The following MGAM2 variants were observed in gnomAD, a reference collection of about 807,000 sequenced individuals.
MGAM2 encodes probable maltase-glucoamylase 2.
A neutral mutation model predicts 96.1 loss-of-function variants in MGAM2; 98 were observed. The ratio of observed to expected loss-of-function variants is 1.02; its 90% CI spans 0.87 to 1.21. The LOEUF is 1.21. MGAM2 is among the 50% of genes most tolerant of loss of function. MGAM2 has a pLI of 0.00. For synonymous variants in MGAM2, 749 were observed against 414.8 expected (o/e 1.81, Z -9.79); for missense variants, 2,055 against 1,182.4 (o/e 1.74, Z -10.82).
At chr7:142,167,576 AT>A (rs1382375086) in intron 26 of MGAM2, 90 bp downstream of exon 26, 6 of 667,078 alleles carry the variant, frequency 9.0e-6, no homozygotes, top group African/African-American at 3.6e-5. Flanking sequence ...CAATTAAAAC[AT>A]TTTTTTTCTT....
rs748299647 is a variant in MGAM2, at chr7:142,183,950, CTTTTTTTTTTTTTTTTTTTTTTTTTTT to C, written c.3924+591_3924+617del. ...ACTGCTCTGGATGTATTCCAGGCTCCTTTTTTTTTTTTTTTTTTTTTTTTTTTTTTTTTTTTTTTTGAGATGGAGTGT... is the reference window on the plus strand; with the variant it reads ...ACTGCTCTGGATGTATTCCAGGCTCCTTTTTTTTTTTTTGAGATGGAGTGT... On this transcript the variant is annotated intron_variant, in intron 33 of 47. Coordinates refer to ENST00000477922, the MANE Select transcript of MGAM2 (RefSeq NM_001293626.2). Among the ~76,000 whole-genome samples, 88 of 46,144 alleles carry C rather than the reference CTTTTTTTTTTTTTTTTTTTTTTTTTTT, an allele frequency of 1.9e-3. 1 individual carries two copies. Among genetic ancestry groups the C allele is most frequent in the Admixed American group, 7.0e-3 (18 of 2,580 alleles). 30.3% of individuals were successfully genotyped at this position (46,144 alleles called of 152,430 possible).
intron 20 of MGAM2, 150 bp downstream of exon 20, chr7:142,159,493 T>C (rs1347897677): frequency 3.3e-6 from 2 of 608,152 alleles, no homozygotes; most frequent in South Asian, 1.9e-5. Flanking sequence ...GGCATCTTAG[T>C]TGGTTCAGGA....
At chr7:142,188,437 C>A (rs750459567) in intron 36 of MGAM2, among the ~76,000 whole-genome samples, 1 of 151,076 alleles carries the variant, frequency 6.6e-6, no homozygotes, top group African/African-American at 2.5e-5. Context: ...CATAGTGAGA[C>A]CCATAAAAAA....
Position 142,212,796 on chromosome 7 carries a change from G to T in MGAM2, c.5187+4174G>T, listed in dbSNP as rs976047730. The stretch of plus-strand genomic sequence containing the variant: ...ATCAACAAGACAGAAAATTAGCAAG[G>T]ATATTCAGAACTTGAACTCAGCTCT... On this transcript the variant is annotated intron_variant, in intron 46 of 47. Transcript: ENST00000477922. 3.3e-5 allele frequency among the ~76,000 whole-genome samples: 5 copies of T among 152,064 alleles called. No individual in the cohort carries two copies. The East Asian group carries it at 5.8e-4, about 18-fold the overall frequency.
rs868551758 is a variant in MGAM2, at chr7:142,112,812, T to C, written c.-1+1005T>C. On this transcript the variant is annotated intron_variant, in intron 1 of 47. Transcript: ENST00000477922. ...ATTTTATGAGAATACAGTCATATGA[T>C]ATATATTTTATAGGGATTAGAGTAT... Among the ~76,000 whole-genome samples the C allele has an allele frequency of 8.8e-4, 134 of 152,354 alleles. 1 individual carries two copies. Among genetic ancestry groups the C allele is most frequent in the African/African-American group, 3.2e-3 (134 of 41,586 alleles).
At chr7:142,131,230 G>T (rs1459115379) in intron 4 of MGAM2, among the ~76,000 whole-genome samples, 159 bp downstream of exon 4, 1 of 152,182 alleles carries the variant, frequency 6.6e-6, no homozygotes, top group African/African-American at 2.4e-5. Flanking sequence ...ATGAGGTCAG[G>T]AGTTCAAGAC....
chr7:142,153,325 G>C (rs947277545), intron 15 of MGAM2, among the ~76,000 whole-genome samples: 1 of 152,120 alleles, frequency 6.6e-6, no homozygotes, highest in South Asian at 2.1e-4. Flanking sequence ...ATTGTTTTAC[G>C]TAACATGTAA....
At chr7:142,114,832 T>C (rs1283891737) in intron 1 of MGAM2, among the ~76,000 whole-genome samples, 2 of 152,160 alleles carry the variant, frequency 1.3e-5, no homozygotes, top group Non-Finnish European at 1.5e-5. Flanking sequence ...TTCTGCAAAA[T>C]CATTATTTTT....
rs180679947 is a variant in MGAM2, at chr7:142,180,438, G to A, written c.3817-2828G>A. On this transcript the variant is annotated intron_variant, in intron 32 of 47. Transcript: ENST00000477922. ...TTTTTATAGTTCTTCTAGATGTGAA[G>A]TTGGATTGTTAATTTGAGATCTTTC... 1.1e-4 allele frequency among the ~76,000 whole-genome samples: 16 copies of A among 152,208 alleles called. No individual in the cohort carries two copies. The East Asian group carries it at 3.1e-3, about 29-fold the overall frequency.
Position 142,219,735 on chromosome 7 carries a change from A to G in MGAM2, c.5359-135A>G, listed in dbSNP as rs1048328408. 6.7e-6 allele frequency: 4 copies of G among 594,542 alleles called. No individual in the cohort carries two copies. In the African/African-American group the frequency reaches 7.4e-5, roughly 11 times the overall value. 36.8% of individuals were successfully genotyped at this position (594,542 alleles called of 1,614,324 possible). ...CCAAAATCAACATGACCTAACCCAA[A>G]AAGGAATGTTTATATCCTATTACTG... On this transcript the variant is annotated intron_variant, in intron 47 of 47. Coordinates refer to ENST00000477922, the MANE Select transcript of MGAM2 (RefSeq NM_001293626.2).
intron 40 of MGAM2, among the ~76,000 whole-genome samples, chr7:142,197,087 T>C (rs1275750781): frequency 1.3e-5 from 2 of 152,182 alleles, no homozygotes; most frequent in African/African-American, 4.8e-5. Flanking sequence ...CCTTTGCTTT[T>C]AAGAATATTG....
chr7:142,147,396 C>T (rs146164562), intron 14 of MGAM2, 60 bp from the exon 15 acceptor site: 190 of 654,084 alleles, frequency 2.9e-4, no homozygotes, highest in African/African-American at 1.7e-3. Context: ...ATAGTTGGGC[C>T]GCTAATTTGT....
chr7:142,132,016 G>A lies in MGAM2; in HGVS notation c.506G>A (p.Ser169Asn). 1 of 703,050 alleles carries A rather than the reference G, an allele frequency of 1.4e-6. No homozygotes were observed. The highest frequency in any genetic ancestry group is 2.0e-5 in the Admixed American group (1 of 49,996). The allele number at this position is 703,050 out of a possible 1,614,324, so 43.6% of individuals were successfully genotyped here. Residue 169 changes from serine (S) to asparagine (N), a missense_variant, in exon 6 of 48, where the codon AGC (serine) becomes AAC (asparagine). Physicochemically the swap from Ser to Asn is conservative, Grantham distance 46. Transcript: ENST00000477922. ...VDGIADASNL[S>N]YYVEVTDKPF... ...GGGATTGCTGATGCCTCCAATTTGA[G>A]CTATTACGTGGAGGTTACTGATAAA...
At position 142,166,156 on chromosome 7, in the gene MGAM2, G is replaced by T; in HGVS notation, c.2711G>T (p.Trp904Leu). Residue 904 changes from tryptophan to leucine, a missense_variant, in exon 25 of 48, where the codon TGG (tryptophan) becomes TTG (leucine). By Grantham distance (61) the Trp-to-Leu change is moderately conservative (BLOSUM62 -2). Coordinates refer to ENST00000477922, the MANE Select transcript of MGAM2 (RefSeq NM_001293626.2). Reference protein sequence around the residue: ...LVLGQEFSIRWNLPVSDLEKF... With the variant: ...LVLGQEFSIRLNLPVSDLEKF... ...CTGGGACAAGAATTCTCTATTAGGT[G>T]GAATCTTCCTGTCAGTGACCTGGAG... The T allele has an allele frequency of 1.4e-6, 1 of 702,386 alleles. No individual in the cohort carries two copies. The highest frequency in any genetic ancestry group is 2.6e-6 in the Non-Finnish European group (1 of 384,716). 43.5% of individuals were successfully genotyped at this position (702,386 alleles called of 1,614,324 possible). A position where few individuals can be genotyped will look rare whatever the true frequency, so the allele number is the denominator to read the frequency against.
In MGAM2 at chr7:142,186,025, C is replaced by A. The variant is rs373613400; in HGVS notation, c.4024C>A (p.Arg1342Ser). Residue 1342 changes from arginine (R) to serine (S), a missense_variant, in exon 35 of 48, where the codon CGT becomes AGT. Transcript: ENST00000477922. The part of the protein sequence containing the change: ...RAYVAFPDFF[R>S]NSTAAWWKKE... The stretch of plus-strand genomic sequence containing the variant: ...CTACGTTGCCTTTCCTGACTTCTTT[C>A]GTAATAGCACAGCTGCGTGGTGGAA... 1 of 704,034 alleles carries A rather than the reference C, an allele frequency of 1.4e-6. No individual in the cohort carries two copies. The highest frequency in any genetic ancestry group is 2.0e-5 in the Admixed American group (1 of 50,018). The allele number at this position is 704,034 out of a possible 1,614,324, so 43.6% of individuals were successfully genotyped here. A position where few individuals can be genotyped will look rare whatever the true frequency, so the allele number is the denominator to read the frequency against.
intron 46 of MGAM2, among the ~76,000 whole-genome samples, chr7:142,211,522 A>G (rs1797582158): frequency 6.6e-6 from 1 of 152,270 alleles, no homozygotes; most frequent in African/African-American, 2.4e-5. Flanking sequence ...TGAAAAATAT[A>G]GCATGAGAAC....
chr7:142,168,235 T>C (rs1052663020), intron 26 of MGAM2, among the ~76,000 whole-genome samples: 2 of 151,896 alleles, frequency 1.3e-5, no homozygotes, highest in East Asian at 3.9e-4. Context: ...TCAGTAGACC[T>C]GGGCTGGGGC....
chr7:142,145,515 T>C (rs1795357465), intron 14 of MGAM2, among the ~76,000 whole-genome samples: 1 of 152,150 alleles, frequency 6.6e-6, no homozygotes, highest in Admixed American at 6.5e-5. Flanking sequence ...AATTTTCCAG[T>C]TTCTGATTTT....
intron 46 of MGAM2, among the ~76,000 whole-genome samples, chr7:142,211,846 C>T (rs974957744): frequency 6.6e-6 from 1 of 152,102 alleles, no homozygotes; most frequent in African/African-American, 2.4e-5. Flanking sequence ...GAGAACACCA[C>T]AAAAATATTC....
Sources: allele counts gnomAD v4.1 joint callset (sites outside exome capture counted in the v4.1 genomes callset), GRCh38; gene constraint gnomAD v4.1.1; transcripts MANE v1.5; gene names NCBI Gene and HGNC (gene_info 2026-07-23, HGNC 2026-07-21).